FLG: variants seen among roughly 807,000 people sequenced by gnomAD.
FLG encodes the protein filaggrin, also known as epidermal filaggrin.
A neutral mutation model predicts 3.8 loss-of-function variants in FLG; 6 were observed. The ratio of observed to expected loss-of-function variants is 1.60; its 90% confidence interval spans 0.87 to 3.15. The LOEUF (loss-of-function observed/expected upper bound fraction) is 3.15. FLG is among the 30% of genes most tolerant of loss of function. The probability of loss-of-function intolerance (pLI) is 0.00; values close to 1 mark genes in which losing one functional copy is unlikely to be tolerated. For missense variants in FLG, 7,595 were observed against 5,050.9 expected, an observed-to-expected ratio of 1.50 and a Z score of -15.27; for synonymous variants, 2,551 against 1,931.6, an observed-to-expected ratio of 1.32 and a Z score of -8.41.
Position 152,308,316 on chromosome 1 carries a change from G to A in FLG, c.6570C>T (p.Ser2190=), listed in dbSNP as rs1476114093. The change falls in exon 3 of 3, where the codon AGC becomes AGT. Residue 2190 remains serine, a synonymous_variant. Transcript: ENST00000368799. ...SRGQSGSRSA[S]RKTYDKEQSG... Reference sequence around the variant, plus strand: ...ATTGTTCCTTGTCATATGTTTTTCTGCTTGCACTTCTGGATCCTGACTGCC... The same window carrying A: ...ATTGTTCCTTGTCATATGTTTTTCTACTTGCACTTCTGGATCCTGACTGCC... 6.2e-7 allele frequency: 1 copy of A among 1,613,566 alleles called. No individual in the cohort carries two copies. The highest frequency in any genetic ancestry group is 1.1e-5 in the South Asian group (1 of 91,058).
At position 152,303,207 on chromosome 1, in the gene FLG, C is replaced by T. The variant is rs149891038; in HGVS notation, c.11679G>A (p.Glu3893=). The change falls in exon 3 of 3, where the codon GAG becomes GAA. Residue 3893 remains glutamate (E), a synonymous_variant. Transcript: ENST00000368799. Reference sequence around the variant, plus strand: ...GGTGTCTGGAGCCATCTCTTGACTGCTCCCGAGAAGATCCATGATGGTTTC... The same window carrying T: ...GGTGTCTGGAGCCATCTCTTGACTGTTCCCGAGAAGATCCATGATGGTTTC... The part of the protein sequence containing the change: ...ASRNHHGSSR[E]QSRDGSRHPG... 6.6e-5 allele frequency: 106 copies of T among 1,614,018 alleles called. No individual in the cohort carries two copies. Among genetic ancestry groups the T allele is most frequent in the Middle Eastern group, 1.6e-4 (1 of 6,084 alleles).
Position 152,315,315 on chromosome 1 carries a change from T to C in FLG, c.138+4A>G. On this transcript the variant is annotated splice_donor_region_variant and intron_variant, in intron 2 of 2. Transcript: ENST00000368799. ...CTATCTTTGGTCTTGTCAGAGACTC[T>C]TACCTTCAGGATTTGCCGAAATTCC... The C allele has an allele frequency of 1.2e-6, 2 of 1,613,164 alleles. No homozygotes were observed.
rs774461279 is a variant in FLG at position 152,307,449 on chromosome 1, C to A, written c.7437G>T (p.Glu2479Asp). The A allele has an allele frequency of 1.2e-6, 2 of 1,613,280 alleles. No homozygotes were observed. Among genetic ancestry groups the A allele is most frequent in the Admixed American group, 3.3e-5 (2 of 59,920 alleles). The change falls in exon 3 of 3, where the codon GAG (glutamate) becomes GAT (aspartate). Residue 2479 changes from glutamate to aspartate, a missense_variant. By Grantham distance (45) the Glu-to-Asp change is conservative. Transcript: ENST00000368799. Reference sequence around the variant, plus strand: ...AGTGTCCAGATCTATCTACCAATTGCTCGTAGTGGGATCCCTGCCTTCCTC... The same window carrying A: ...AGTGTCCAGATCTATCTACCAATTGATCGTAGTGGGATCCCTGCCTTCCTC... ...SSGGRQGSHY[E>D]QLVDRSGHSG...
Position 152,313,810 on chromosome 1 carries a change from C to T in FLG, c.1076G>A (p.Arg359His), listed in dbSNP as rs764222741. ...SADSSRQSGTRHAETSSRGQT... is the reference protein window; with the variant it reads ...SADSSRQSGTHHAETSSRGQT... ...TCCACGAGAGGAAGTCTCTGCGTGA[C>T]GAGTGCCTGATTGTCTGGAGCTGTC... Residue 359 changes from arginine to histidine, a missense_variant, in exon 3 of 3, where the codon CGT becomes CAT. By Grantham distance (29) the Arg-to-His change is conservative. Transcript: ENST00000368799. 4.9e-5 allele frequency: 79 copies of T among 1,613,972 alleles called. No individual in the cohort carries two copies. The East Asian group carries it at 8.2e-4, about 17-fold the overall frequency.
chr1:152,304,609 G>T lies in FLG; in HGVS notation c.10277C>A (p.Ala3426Glu). The T allele has an allele frequency of 1.2e-6, 2 of 1,610,296 alleles. No homozygotes were observed. The highest frequency in any genetic ancestry group is 1.1e-5 in the South Asian group (1 of 90,644). Residue 3426 changes from alanine (A) to glutamate (E), a missense_variant, in exon 3 of 3, where the codon GCG becomes GAG. By Grantham distance (107) the Ala-to-Glu change is moderately radical. Transcript: ENST00000368799. The part of the protein sequence containing the change: ...EQARDSSRHS[A>E]SQEGQDTIRG... ...AATGGTGTCCTGACCCTCTTGGGAC[G>T]CTGAGTGCCTGGAGCTGTCTCGTGC...
rs754432093 is a variant in FLG, at chr1:152,310,716, G to T, written c.4170C>A (p.Ser1390=). Residue 1390 remains serine (S), a synonymous_variant, in exon 3 of 3, where the codon TCC becomes TCA. Transcript: ENST00000368799. ...CACTGTTAGTGACCTGACTACCACT[G>T]GACCCTCGGTGTCCACTGTCTCTGA... The part of the protein sequence containing the change: ...SAVRDSGHRG[S]SGSQVTNSEG... 3 of 1,614,026 alleles carry T rather than the reference G, an allele frequency of 1.9e-6. No homozygotes were observed. Among genetic ancestry groups the T allele is most frequent in the South Asian group, 1.1e-5 (1 of 91,072 alleles).
At position 152,309,145 on chromosome 1, in the gene FLG, T is replaced by C. The variant is rs34806697; in HGVS notation, c.5741A>G (p.Gln1914Arg). The part of the protein sequence containing the change: ...QSSGPRTSRN[Q>R]GSSVSQDSDS... Reference sequence around the variant, plus strand: ...ACTGTCCTGGCTAACACTGGATCCCTGGTTCCTGCTTGTCCTGGGCCCTGA... The same window carrying C: ...ACTGTCCTGGCTAACACTGGATCCCCGGTTCCTGCTTGTCCTGGGCCCTGA... Residue 1914 changes from glutamine to arginine, a missense_variant, in exon 3 of 3, where the codon CAG (glutamine) becomes CGG (arginine). Coordinates refer to ENST00000368799, the MANE Select transcript of FLG (RefSeq NM_002016.2). 0.085 allele frequency: 137,077 copies of C among 1,611,788 alleles called. 6,734 individuals carry two copies. The highest frequency in any genetic ancestry group is 0.098 in the Non-Finnish European group (115,984 of 1,179,804).
chr1:152,307,388 T>C lies in FLG; in HGVS notation c.7498A>G (p.Arg2500Gly). Residue 2500 changes from arginine to glycine, a missense_variant, in exon 3 of 3, where the codon AGG becomes GGG. Coordinates refer to ENST00000368799, the MANE Select transcript of FLG (RefSeq NM_002016.2). ...GAGTGCCCATGGGAGGCATCAGACC[T>C]TCCCTGGGATGTGGTGTGGCTGTGA... ...SHHSHTTSQG[R>G]SDASHGHSGS... The C allele has an allele frequency of 6.2e-7, 1 of 1,613,234 alleles. No individual in the cohort carries two copies. Among genetic ancestry groups the C allele is most frequent in the Non-Finnish European group, 8.5e-7 (1 of 1,179,694 alleles).
chr1:152,321,880 A>G (rs1013089901), intron 1 of FLG, among the ~76,000 whole-genome samples: 4 of 151,270 alleles, frequency 2.6e-5, no homozygotes, highest in Admixed American at 2.6e-4. Flanking sequence ...TTCCTTTCAT[A>G]TAGATGCAAA....
Position 152,315,382 on chromosome 1 carries a change from A to G in FLG, c.75T>C (p.Thr25=), listed in dbSNP as rs1404139516. ...FKQYSKKDKN[T]DTLSKKELKE... is the part of the protein sequence containing the mutation. ...TCAGCTCTTTTTTACTCAATGTGTC[A>G]GTGTTTTTATCTTTTTTTGAATATT... The change falls in exon 2 of 3, where the codon ACT becomes ACC. Residue 25 remains threonine, a synonymous_variant. Transcript: ENST00000368799. 6.2e-7 allele frequency: 1 copy of G among 1,612,638 alleles called. No individual in the cohort carries two copies. Among genetic ancestry groups the G allele is most frequent in the Middle Eastern group, 1.7e-4 (1 of 6,058 alleles).
In FLG at chr1:152,321,669, A is replaced by C. The variant is rs534277303; in HGVS notation, c.-22+3520T>G. On this transcript the variant is annotated intron_variant, in intron 1 of 2. Coordinates refer to ENST00000368799, the MANE Select transcript of FLG (RefSeq NM_002016.2). The stretch of plus-strand genomic sequence containing the variant: ...GTTTATTAAAGAAATTGAATCTTAA[A>C]TGCATTCATTTCCAGTGGGGGAGAA... Among the ~76,000 whole-genome samples, 8 of 151,398 alleles carry C rather than the reference A, an allele frequency of 5.3e-5. No homozygotes were observed. The South Asian group carries it at 1.7e-3, about 31-fold the overall frequency.
Position 152,304,516 on chromosome 1 carries a change from G to C in FLG, c.10370C>G (p.Ser3457Cys), listed in dbSNP as rs1293043005. 2.5e-6 allele frequency: 4 copies of C among 1,612,620 alleles called. No homozygotes were observed. The African/African-American group carries it at 4.0e-5, about 16-fold the overall frequency. The change falls in exon 3 of 3, where the codon TCT (serine) becomes TGT (cysteine). Residue 3457 changes from serine to cysteine, a missense_variant. Coordinates refer to ENST00000368799, the MANE Select transcript of FLG (RefSeq NM_002016.2). The part of the protein sequence containing the change: ...GSHYEQSVDR[S>C]GHSGSHHSHT... ...GCTGTGATGGGACCCTGAGTGTCCA[G>C]ACCTATCTACCGATTGCTCGTAGTG...
chr1:152,323,058 C>G (rs1557885886), intron 1 of FLG, among the ~76,000 whole-genome samples: 6 of 151,470 alleles, frequency 4.0e-5, no homozygotes, highest in Admixed American at 1.3e-4. Context: ...AGTCTTATAT[C>G]ACTCTGGACA....
chr1:152,313,002 C>G lies in FLG; in HGVS notation c.1884G>C (p.Gln628His), dbSNP rs1227505038. 1 of 1,613,992 alleles carries G rather than the reference C, an allele frequency of 6.2e-7. No homozygotes were observed. The highest frequency in any genetic ancestry group is 8.5e-7 in the Non-Finnish European group (1 of 1,180,024). The change falls in exon 3 of 3, where the codon CAG becomes CAC. Residue 628 changes from glutamine (Q) to histidine (H), a missense_variant. Transcript: ENST00000368799. ...ACCTCTCAGAGTCTTCTGAGTGTCCCTGACTGTCACTGTCCTGGCTAACAC... is the reference window on the plus strand; with the variant it reads ...ACCTCTCAGAGTCTTCTGAGTGTCCGTGACTGTCACTGTCCTGGCTAACAC... The part of the protein sequence containing the change: ...GSSVSQDSDS[Q>H]GHSEDSERWS...
Position 152,314,577 on chromosome 1 carries a change from C to T in FLG, c.309G>A (p.Lys103=), listed in dbSNP as rs201066653. The change falls in exon 3 of 3, where the codon AAG becomes AAA. Residue 103 remains lysine (K), a synonymous_variant. Transcript: ENST00000368799. ...NLPISGHKHR[K]HSHHDKHEDN... is the part of the protein sequence containing the mutation. ...CTTCATGTTTATCATGATGACTGTG[C>T]TTTCTGTGCTTGTGTCCTGATATCG... 194 of 1,613,584 alleles carry T rather than the reference C, an allele frequency of 1.2e-4. No homozygotes were observed. Among genetic ancestry groups the T allele is most frequent in the Non-Finnish European group, 1.5e-4 (177 of 1,179,920 alleles).
chr1:152,305,093 C>T lies in FLG; in HGVS notation c.9793G>A (p.Gly3265Arg), dbSNP rs144217264. ...TGTCTGGAGCGGTCTGCAGAGTGCCCGTGACCGGCTCTGTCTTCGTGATGG... is the reference window on the plus strand; with the variant it reads ...TGTCTGGAGCGGTCTGCAGAGTGCCTGTGACCGGCTCTGTCTTCGTGATGG... ...RSHHEDRAGH[G>R]HSADRSRQSG... The change falls in exon 3 of 3, where the codon GGG becomes AGG. Residue 3265 changes from glycine to arginine, a missense_variant. Coordinates refer to ENST00000368799, the MANE Select transcript of FLG (RefSeq NM_002016.2). 27 of 1,613,764 alleles carry T rather than the reference C, an allele frequency of 1.7e-5. No homozygotes were observed. The highest frequency in any genetic ancestry group is 1.6e-4 in the African/African-American group (12 of 74,852).
chr1:152,309,070 G>C lies in FLG; in HGVS notation c.5816C>G (p.Ser1939Cys), dbSNP rs765230314. 4.3e-6 allele frequency: 7 copies of C among 1,613,988 alleles called. No homozygotes were observed. Among genetic ancestry groups the C allele is most frequent in the African/African-American group, 1.3e-5 (1 of 74,922 alleles). ...EDSERWSGSA[S>C]RNHLGSAWEQ... is the part of the protein sequence containing the mutation. ...CCAAGCAGATCCAAGATGGTTTCTG[G>C]AAGCAGACCCAGACCACCTCTCAGA... is the stretch of plus-strand genomic sequence containing the variant. Residue 1939 changes from serine to cysteine, a missense_variant, in exon 3 of 3, where the codon TCC becomes TGC. By Grantham distance (112) the Ser-to-Cys change is moderately radical (BLOSUM62 -1). Coordinates refer to ENST00000368799, the MANE Select transcript of FLG (RefSeq NM_002016.2).
Position 152,306,287 on chromosome 1 carries a change from T to G in FLG, c.8599A>C (p.Ile2867Leu). 2 of 1,604,636 alleles carry G rather than the reference T, an allele frequency of 1.2e-6. No individual in the cohort carries two copies. The highest frequency in any genetic ancestry group is 1.7e-6 in the Non-Finnish European group (2 of 1,180,044). Residue 2867 changes from isoleucine (I) to leucine (L), a missense_variant, in exon 3 of 3, where the codon ATC (isoleucine) becomes CTC (leucine). Coordinates refer to ENST00000368799, the MANE Select transcript of FLG (RefSeq NM_002016.2). Reference sequence around the variant, plus strand: ...TGGACTGCCTGTGAGTGTCTAGAGATGTCGGCATGAGTGGAAGCTTCATGG... The same window carrying G: ...TGGACTGCCTGTGAGTGTCTAGAGAGGTCGGCATGAGTGGAAGCTTCATGG... ...RHHEASTHAD[I>L]SRHSQAVQGQ...
At position 152,307,319 on chromosome 1, in the gene FLG, A is replaced by C. The variant is rs1460749650; in HGVS notation, c.7567T>G (p.Ser2523Ala). Residue 2523 changes from serine (S) to alanine (A), a missense_variant, in exon 3 of 3, where the codon TCA (serine) becomes GCA (alanine). Coordinates refer to ENST00000368799, the MANE Select transcript of FLG (RefSeq NM_002016.2). ...ASRQTRNDEQ[S>A]GDGSRHSGSR... The stretch of plus-strand genomic sequence containing the variant: ...CCTGAGTGCCTGGAGCCGTCTCCTG[A>C]TTGTTCATCGTTACGAGTTTGTCTG... The C allele has an allele frequency of 6.2e-7, 1 of 1,612,442 alleles. No individual in the cohort carries two copies. The highest frequency in any genetic ancestry group is 8.5e-7 in the Non-Finnish European group (1 of 1,179,786).
Sources: allele counts gnomAD v4.1 joint callset (sites outside exome capture counted in the v4.1 genomes callset), GRCh38; gene constraint gnomAD v4.1.1; transcripts MANE v1.5; gene names NCBI Gene and HGNC (gene_info 2026-07-23, HGNC 2026-07-21).